The following CAV1 variants were observed in gnomAD, a reference collection of about 807,000 sequenced individuals.
CAV1 encodes the protein caveolin 1.
Under a neutral mutation model 16.5 loss-of-function variants are expected in CAV1, and 10 were observed. The ratio of observed to expected loss-of-function variants is 0.61; its 90% CI spans 0.37 to 1.03. The LOEUF is 1.03. CAV1 is among the 50% of genes least tolerant of loss of function. CAV1 has a pLI of 0.01. For missense variants in CAV1, 212 were observed against 232.8 expected, an observed-to-expected ratio of 0.91 and a Z score of 0.58; for synonymous variants, 76 against 85.1, an observed-to-expected ratio of 0.89 and a Z score of 0.59.
chr7:116,532,373 G>A lies in CAV1; in HGVS notation c.195+5684G>A, dbSNP rs530133747. On this transcript the variant is annotated intron_variant, in intron 2 of 2. Coordinates refer to ENST00000341049, the MANE Select transcript of CAV1 (RefSeq NM_001753.5). ...GCCCTACTTTTAAACATAACTCTTT[G>A]TGATGGAATGACCAGAAACAGCTGG... Among the ~76,000 whole-genome samples the A allele has an allele frequency of 1.1e-4, 17 of 152,274 alleles. No individual in the cohort carries two copies. The East Asian group carries it at 3.3e-3, about 29-fold the overall frequency.
In CAV1 at chr7:116,552,080, T is replaced by C. The variant is rs1584782932; in HGVS notation, c.196-6866T>C. On this transcript the variant is annotated intron_variant, in intron 2 of 2. Coordinates refer to ENST00000341049, the MANE Select transcript of CAV1 (RefSeq NM_001753.5). ...GTGTTAACCCATCACTTTTGCCATGTTTTATTATTTAGAAGCAAATCACTA... is the reference window on the plus strand; with the variant it reads ...GTGTTAACCCATCACTTTTGCCATGCTTTATTATTTAGAAGCAAATCACTA... The C allele has an allele frequency of 2.0e-5, 3 of 152,114 alleles. No individual in the cohort carries two copies. The East Asian group carries it at 5.8e-4, about 29-fold the overall frequency. The allele number at this position is 152,114 out of a possible 1,614,324, so 9.4% of individuals were successfully genotyped here.
intron 2 of CAV1, among the ~76,000 whole-genome samples, chr7:116,530,737 G>C (rs928038288): frequency 7.2e-5 from 11 of 152,110 alleles, no homozygotes; most frequent in African/African-American, 2.2e-4. Flanking sequence ...TGGCAGAGTG[G>C]TAGGTGATAA....
At position 116,540,427 on chromosome 7, in the gene CAV1, T is replaced by G. The variant is rs185782954; in HGVS notation, c.195+13738T>G. ...CTCATCAATTTGACTCCAAATAGCT[T>G]TCCTATCAACAGGCTAAGTGTAAAA... On this transcript the variant is annotated intron_variant, in intron 2 of 2. Coordinates refer to ENST00000341049, the MANE Select transcript of CAV1 (RefSeq NM_001753.5). Among the ~76,000 whole-genome samples the G allele has an allele frequency of 2.0e-3, 310 of 152,290 alleles. 1 individual carries two copies. The highest frequency in any genetic ancestry group is 6.9e-3 in the African/African-American group (285 of 41,554).
At chr7:116,556,106 T>C (rs1794289735) in intron 2 of CAV1, among the ~76,000 whole-genome samples, 2 of 152,238 alleles carry the variant, frequency 1.3e-5, no homozygotes, top group Non-Finnish European at 1.5e-5. Flanking sequence ...GAAAATGCAG[T>C]TTCACTGAAA....
chr7:116,552,782 G>C (rs1031494178), intron 2 of CAV1, among the ~76,000 whole-genome samples: 1 of 152,154 alleles, frequency 6.6e-6, no homozygotes, highest in East Asian at 1.9e-4. Context: ...GATCTCATTG[G>C]CCAGAACTGA....
chr7:116,556,706 T>C (rs1475901599), intron 2 of CAV1, among the ~76,000 whole-genome samples: 5 of 152,196 alleles, frequency 3.3e-5, no homozygotes, highest in African/African-American at 1.2e-4. Context: ...AATCCTCTGC[T>C]CCCGGTAAAT....
intron 2 of CAV1, among the ~76,000 whole-genome samples, chr7:116,556,557 A>T (rs1363184605): frequency 6.6e-6 from 1 of 152,182 alleles, no homozygotes; most frequent in East Asian, 1.9e-4. Flanking sequence ...AAGTGAGAAT[A>T]CTATATTATA....
chr7:116,554,072 A>C (rs1276714758), intron 2 of CAV1, among the ~76,000 whole-genome samples: 1 of 152,218 alleles, frequency 6.6e-6, no homozygotes, highest in Non-Finnish European at 1.5e-5. Context: ...AGCTTTGGTC[A>C]TCAATTTCTC....
In CAV1 at chr7:116,534,362, GATATATATAT is replaced by G. The variant is rs1181031913; in HGVS notation, c.195+7698_195+7707del. ...AATACAGATGCCTGGGCCCACCTCAGATATATATATATATATATATATATATATATATATT... is the reference window on the plus strand; with the variant it reads ...AATACAGATGCCTGGGCCCACCTCAGATATATATATATATATATATATATT... On this transcript the variant is annotated intron_variant, in intron 2 of 2. Transcript: ENST00000341049. 2.3e-3 allele frequency among the ~76,000 whole-genome samples: 97 copies of G among 42,630 alleles called. 3 individuals are homozygous for G. The highest frequency in any genetic ancestry group is 9.4e-3 in the Middle Eastern group (1 of 106). 28.0% of individuals were successfully genotyped at this position (42,630 alleles called of 152,430 possible).
At chr7:116,525,577 A>G (rs1164047844) in intron 1 of CAV1, 2 of 1,197,072 alleles carry the variant, frequency 1.7e-6, no homozygotes, top group Non-Finnish European at 2.1e-6. Flanking sequence ...TGCACTTTCC[A>G]AAGTTCTTGA....
chr7:116,541,822 C>T (rs1409414320), intron 2 of CAV1, among the ~76,000 whole-genome samples: 1 of 151,718 alleles, frequency 6.6e-6, no homozygotes, highest in East Asian at 1.9e-4. Context: ...AGTGGCTAAT[C>T]CCAGGAATGT....
Position 116,542,571 on chromosome 7 carries a change from G to A in CAV1, c.195+15882G>A, listed in dbSNP as rs575265237. On this transcript the variant is annotated intron_variant, in intron 2 of 2. Coordinates refer to ENST00000341049, the MANE Select transcript of CAV1 (RefSeq NM_001753.5). ...TTATCATTTCACTAGGTCCTCATCT[G>A]GGGAGGTCCTTGGCATTTTTACTGG... is the stretch of plus-strand genomic sequence containing the variant. The A allele has an allele frequency of 2.6e-5, 4 of 152,276 alleles. No individual in the cohort carries two copies. In the East Asian group the frequency reaches 7.7e-4, roughly 29 times the overall value. 9.4% of individuals were successfully genotyped at this position (152,276 alleles called of 1,614,324 possible).
In CAV1 at chr7:116,559,572, T is replaced by C. The variant is rs924208369; in HGVS notation, c.*285T>C. ...CTTTATTGGCTGAGATATGAACATATTGTTGAAAGGTAATTTGAGAGAAAT... is the reference window on the plus strand; with the variant it reads ...CTTTATTGGCTGAGATATGAACATACTGTTGAAAGGTAATTTGAGAGAAAT... On this transcript the variant is annotated 3_prime_UTR_variant, in exon 3 of 3. Coordinates refer to ENST00000341049, the MANE Select transcript of CAV1 (RefSeq NM_001753.5). 5.2e-5 allele frequency: 28 copies of C among 533,832 alleles called. No homozygotes were observed. The highest frequency in any genetic ancestry group is 9.1e-5 in the Non-Finnish European group (28 of 306,086). 33.1% of individuals were successfully genotyped at this position (533,832 alleles called of 1,614,324 possible).
At chr7:116,556,044 C>T (rs1338021731) in intron 2 of CAV1, among the ~76,000 whole-genome samples, 1 of 152,170 alleles carries the variant, frequency 6.6e-6, no homozygotes, top group Non-Finnish European at 1.5e-5. Flanking sequence ...TGGAGACCTG[C>T]TCTAAATTCA....
chr7:116,555,542 G>GAAAGAAAGAAAGAA (rs869307797), intron 2 of CAV1, among the ~76,000 whole-genome samples: 3 of 12,146 alleles, frequency 2.5e-4, no homozygotes, highest in Non-Finnish European at 3.5e-4. Context: ...GAGAGAGAGA[G>GAAAGAAAGAAAGAA]AGAAAGAAAG....
chr7:116,526,627 C>T lies in CAV1; in HGVS notation c.133C>T (p.His45Tyr). 2 of 1,614,118 alleles carry T rather than the reference C, an allele frequency of 1.2e-6. No homozygotes were observed. Among genetic ancestry groups the T allele is most frequent in the Non-Finnish European group, 1.7e-6 (2 of 1,179,996 alleles). The change falls in exon 2 of 3, where the codon CAC (histidine) becomes TAC (tyrosine). Residue 45 changes from histidine (H) to tyrosine (Y), a missense_variant. By Grantham distance (83) the His-to-Tyr change is moderately conservative. Transcript: ENST00000341049. ...ELSEKQVYDAHTKEIDLVNRD... is the reference protein window; with the variant it reads ...ELSEKQVYDAYTKEIDLVNRD... ...GAGCGAGAAGCAAGTGTACGACGCG[C>T]ACACCAAGGAGATCGACCTGGTCAA...
intron 2 of CAV1, among the ~76,000 whole-genome samples, chr7:116,530,718 G>A (rs905868654): frequency 6.6e-6 from 1 of 152,170 alleles, no homozygotes; most frequent in Non-Finnish European, 1.5e-5. Context: ...TGGGATTTGA[G>A]ATTTCATGTG....
At chr7:116,545,937 G>C (rs1794036395) in intron 2 of CAV1, among the ~76,000 whole-genome samples, 1 of 152,192 alleles carries the variant, frequency 6.6e-6, no homozygotes, top group Admixed American at 6.5e-5. Flanking sequence ...TGCATGTTTG[G>C]ATAAAATAAG....
At chr7:116,528,944 C>T (rs1437498977) in intron 2 of CAV1, among the ~76,000 whole-genome samples, 1 of 152,220 alleles carries the variant, frequency 6.6e-6, no homozygotes, top group East Asian at 1.9e-4. Context: ...ATTCTTCTGT[C>T]TCAGCCTCCT....
Sources: allele counts gnomAD v4.1 joint callset (sites outside exome capture counted in the v4.1 genomes callset), GRCh38; gene constraint gnomAD v4.1.1; transcripts MANE v1.5; gene names NCBI Gene and HGNC (gene_info 2026-07-23, HGNC 2026-07-21).